Variants in COL11A1 observed in about 807,000 individuals in gnomAD.
COL11A1 encodes collagen alpha-1(XI) chain.
In COL11A1, 74 loss-of-function variants were observed where a neutral mutation model predicts 265.2. The observed-to-expected ratio is 0.28, with a 90% CI of 0.23 to 0.34. The LOEUF is 0.34. COL11A1 is among the 10% of genes least tolerant of loss of function. The pLI is 1.00. For missense variants in COL11A1, 2,165 were observed against 2,263.6 expected, an observed-to-expected ratio of 0.96 and a Z score of 0.88; for synonymous variants, 816 against 727.6, an observed-to-expected ratio of 1.12 and a Z score of -1.96.
At chr1:102,894,440 G>A (rs553300941) in intron 57 of COL11A1, among the ~76,000 whole-genome samples, 6 of 152,100 alleles carry the variant, frequency 3.9e-5, no homozygotes, top group Admixed American at 3.3e-4. Context: ...AGGCTGAGGC[G>A]GGAGGATCAC....
chr1:103,107,116 G>A (rs1674753615), intron 1 of COL11A1, among the ~76,000 whole-genome samples: 1 of 152,136 alleles, frequency 6.6e-6, no homozygotes, highest in Non-Finnish European at 1.5e-5. Flanking sequence ...GAAAGGGCGG[G>A]GGAAAGAGGG....
At chr1:102,928,483 A>C (rs61812677) in intron 46 of COL11A1, among the ~76,000 whole-genome samples, 25 of 152,192 alleles carry the variant, frequency 1.6e-4, no homozygotes, top group East Asian at 5.8e-4. Context: ...GCCACATTTT[A>C]TTAATCCAGT....
At chr1:102,914,545 A>G (rs561394707) in intron 51 of COL11A1, 140 bp from the exon 52 acceptor site, 84 of 1,032,156 alleles carry the variant, frequency 8.1e-5, no homozygotes, top group Middle Eastern at 6.2e-4. Context: ...AAATTTCTAA[A>G]GAATTAATTC....
At chr1:102,898,248 T>G (rs1652699726) in intron 56 of COL11A1, 70 bp from the exon 57 acceptor site, 1 of 734,278 alleles carries the variant, frequency 1.4e-6, no homozygotes, top group South Asian at 4.2e-5. Flanking sequence ...TTATTTTAAA[T>G]TTTAGAAATA....
At chr1:103,009,976 T>C (rs1175146681) in intron 14 of COL11A1, among the ~76,000 whole-genome samples, 1 of 152,188 alleles carries the variant, frequency 6.6e-6, no homozygotes, top group Non-Finnish European at 1.5e-5. Context: ...TATTTTTAAT[T>C]AATCGACTGT....
Position 102,939,159 on chromosome 1 carries a change from A to T in COL11A1, c.3385-71T>A. ...TGCATTGTCTTAATTATCATCAAACAGTTAAATTTTACCTTTAATATAATT... is the reference window on the plus strand; with the variant it reads ...TGCATTGTCTTAATTATCATCAAACTGTTAAATTTTACCTTTAATATAATT... On this transcript the variant is annotated intron_variant, in intron 43 of 66. Coordinates refer to ENST00000370096, the MANE Select transcript of COL11A1 (RefSeq NM_001854.4). The T allele has an allele frequency of 3.0e-6, 4 of 1,344,514 alleles. No homozygotes were observed. The Admixed American group carries it at 5.0e-5, about 17-fold the overall frequency. 83.3% of individuals were successfully genotyped at this position (1,344,514 alleles called of 1,614,324 possible).
intron 47 of COL11A1, among the ~76,000 whole-genome samples, chr1:102,921,980 T>C: frequency 6.6e-6 from 1 of 152,202 alleles, no homozygotes; most frequent in East Asian, 1.9e-4. Context: ...TTGATAGGTA[T>C]TTTTAGCTTT....
At position 102,962,225 on chromosome 1, in the gene COL11A1, G is replaced by C; in HGVS notation, c.3065C>G (p.Pro1022Arg). 6.2e-7 allele frequency: 1 copy of C among 1,613,660 alleles called. No homozygotes were observed. Among genetic ancestry groups the C allele is most frequent in the Non-Finnish European group, 8.5e-7 (1 of 1,179,720 alleles). ...GPQGISGKDG[P>R]AGLRGFPGER... ...CCCTGGGAAACCACGTAATCCTGCTGGTCCATCTTTCCCTGAGATACCTTG... is the reference window on the plus strand; with the variant it reads ...CCCTGGGAAACCACGTAATCCTGCTCGTCCATCTTTCCCTGAGATACCTTG... Residue 1022 changes from proline to arginine, a missense_variant, in exon 40 of 67, where the codon CCA becomes CGA. Pro to Arg is a moderately radical substitution (Grantham distance 103). Transcript: ENST00000370096.
intron 47 of COL11A1, 139 bp from the exon 48 acceptor site, chr1:102,921,710 C>A: frequency 1.4e-6 from 1 of 696,530 alleles, no homozygotes; most frequent in South Asian, 1.8e-5. Flanking sequence ...GGTTATAAGT[C>A]ATCCTTCATG....
intron 3 of COL11A1, among the ~76,000 whole-genome samples, chr1:103,078,290 A>G (rs1401769182): frequency 6.6e-6 from 1 of 151,990 alleles, no homozygotes; most frequent in East Asian, 1.9e-4. Flanking sequence ...CTCCTGGAAC[A>G]CTAGTCTTTT....
intron 46 of COL11A1, among the ~76,000 whole-genome samples, chr1:102,934,207 G>T (rs969587569): frequency 6.6e-6 from 1 of 152,088 alleles, no homozygotes; most frequent in African/African-American, 2.4e-5. Flanking sequence ...ATTAAGGTGG[G>T]TCTAAAAATA....
At chr1:102,976,289 CTTTTTTTTTTT>C (rs149842131) in intron 35 of COL11A1, among the ~76,000 whole-genome samples, 2 of 58,578 alleles carry the variant, frequency 3.4e-5, no homozygotes, top group African/African-American at 5.4e-5. Context: ...AAAACGTTGG[CTTTTTTTTTTT>C]TTTTTTTTTT....
rs918588761 is a variant in COL11A1 at position 103,103,170 on chromosome 1, T to TA, written c.106+4902dup. On this transcript the variant is annotated intron_variant, in intron 1 of 66. Transcript: ENST00000370096. ...TTTTTTCTTCAGTTTGCCACTTGTT[T>TA]AAAAAAAAACTGTTAAACAAACAAC... Among the ~76,000 whole-genome samples, 400 of 151,864 alleles carry TA rather than the reference T, an allele frequency of 2.6e-3. 2 individuals carry two copies. The highest frequency in any genetic ancestry group is 8.5e-3 in the African/African-American group (350 of 41,396).
At chr1:103,021,801 T>A (rs777630034) in intron 8 of COL11A1, 32 bp from the exon 9 acceptor site, 6 of 1,423,274 alleles carry the variant, frequency 4.2e-6, no homozygotes, top group Non-Finnish European at 6.0e-6. Flanking sequence ...ACAGCCTAAA[T>A]GTCTGTAAGA....
In COL11A1 at chr1:102,914,837, G is replaced by A. The variant is rs577266494; in HGVS notation, c.3817-26C>T. ...CTAAACAATGTTAAAAAAAAAAAAA[G>A]AAGAAGAAGGAAAGAAGAGTTATCT... On this transcript the variant is annotated intron_variant, in intron 50 of 66. Coordinates refer to ENST00000370096, the MANE Select transcript of COL11A1 (RefSeq NM_001854.4). The A allele has an allele frequency of 0.15, 155,278 of 1,002,412 alleles. 9,072 individuals carry two copies. Among genetic ancestry groups the A allele is most frequent in the Non-Finnish European group, 0.18 (127,431 of 697,162 alleles). The allele number at this position is 1,002,412 out of a possible 1,614,324, so 62.1% of individuals were successfully genotyped here. A position where few individuals can be genotyped will look rare whatever the true frequency, so the allele number is the denominator to read the frequency against.
chr1:103,006,059 G>A lies in COL11A1; in HGVS notation c.1791+9C>T, dbSNP rs1268669793. 6.2e-7 allele frequency: 1 copy of A among 1,613,824 alleles called. No individual in the cohort carries two copies. Among genetic ancestry groups the A allele is most frequent in the South Asian group, 1.1e-5 (1 of 91,078 alleles). On this transcript the variant is annotated intron_variant, in intron 17 of 66. Transcript: ENST00000370096. ...AGGATGTGAATATAAAAATATGTGA[G>A]CTCCTGACCTTTGCCCCAGGTTCTC...
At position 102,877,887 on chromosome 1, in the gene COL11A1, T is replaced by G. The variant is rs1284379998; in HGVS notation, c.*132A>C. The G allele has an allele frequency of 1.2e-6, 1 of 865,454 alleles. No homozygotes were observed. Among genetic ancestry groups the G allele is most frequent in the East Asian group, 2.5e-5 (1 of 39,484 alleles). 53.6% of individuals were successfully genotyped at this position (865,454 alleles called of 1,614,324 possible). A position where few individuals can be genotyped will look rare whatever the true frequency, so the allele number is the denominator to read the frequency against. ...TCTGCCCCCACAAAGGCATCGGTAT[T>G]TCCTAAATGGTACCTGTATATGCAG... is the stretch of plus-strand genomic sequence containing the variant. On this transcript the variant is annotated 3_prime_UTR_variant, in exon 67 of 67. Transcript: ENST00000370096.
Position 103,022,807 on chromosome 1 carries a change from T to C in COL11A1, c.1180A>G (p.Thr394Ala), listed in dbSNP as rs538837278. 7 of 1,613,766 alleles carry C rather than the reference T, an allele frequency of 4.3e-6. No homozygotes were observed. In the Admixed American group the frequency reaches 5.0e-5, roughly 12 times the overall value. The change falls in exon 8 of 67, where the codon ACA becomes GCA. Residue 394 changes from threonine (T) to alanine (A), a missense_variant. Physicochemically the swap from Thr to Ala is moderately conservative, Grantham distance 58. Transcript: ENST00000370096. Reference sequence around the variant, plus strand: ...CCAAATTCTTCATTAGGGGGGCTTGTTGGTTTATCTTCATATTCTTTATAT... The same window carrying C: ...CCAAATTCTTCATTAGGGGGGCTTGCTGGTTTATCTTCATATTCTTTATAT... ...YEYKEYEDKP[T>A]SPPNEEFGPG... is the part of the protein sequence containing the mutation.
intron 45 of COL11A1, among the ~76,000 whole-genome samples, 182 bp downstream of exon 45, chr1:102,934,878 C>A (rs1370153912): frequency 1.3e-5 from 2 of 152,214 alleles, no homozygotes; most frequent in African/African-American, 4.8e-5. Context: ...AATGAAGTTA[C>A]AATATGTTTT....
Sources: gnomAD v4.1 joint callset for allele counts (sites outside exome capture counted in the v4.1 genomes callset) on GRCh38, gnomAD v4.1.1 for gene constraint, MANE v1.5 for transcripts, NCBI Gene and HGNC (gene_info 2026-07-23, HGNC 2026-07-21) for gene names.